Variants in GRIA4 observed in about 807,000 individuals in gnomAD.
GRIA4 encodes glutamate ionotropic receptor AMPA type subunit 4.
A neutral mutation model predicts 104.0 loss-of-function variants in GRIA4; 34 were observed. The observed-to-expected ratio is 0.33, with a 90% CI of 0.25 to 0.44. GRIA4 has a LOEUF of 0.44. Ranked by LOEUF, GRIA4 falls within the 20% of genes least tolerant of loss-of-function variation. GRIA4 has a pLI of 1.00. For missense variants in GRIA4, 750 were observed against 1,096.5 expected (o/e 0.68, Z 4.46); for synonymous variants, 386 against 381.9 (o/e 1.01, Z -0.13).
intron 3 of GRIA4, among the ~76,000 whole-genome samples, chr11:105,645,508 T>C (rs1392529257): frequency 1.3e-5 from 2 of 150,162 alleles, no homozygotes; most frequent in South Asian, 2.1e-4. Context: ...CAAAGACAAT[T>C]CATCAACACT....
At chr11:105,934,198 G>C (rs1591462362) in intron 14 of GRIA4, among the ~76,000 whole-genome samples, 1 of 151,992 alleles carries the variant, frequency 6.6e-6, no homozygotes, top group Non-Finnish European at 1.5e-5. Flanking sequence ...AAACCAAACT[G>C]GTTGAACACT....
At chr11:105,620,645 A>G (rs1367756643) in intron 3 of GRIA4, among the ~76,000 whole-genome samples, 1 of 151,902 alleles carries the variant, frequency 6.6e-6, no homozygotes, top group Non-Finnish European at 1.5e-5. Flanking sequence ...ACGCAGCACA[A>G]AAATTTCAGA....
chr11:105,974,471 C>A, intron 16 of GRIA4, 27 bp downstream of exon 16: 1 of 1,613,818 alleles, frequency 6.2e-7, no homozygotes, highest in Non-Finnish European at 8.5e-7. Context: ...AGACTTTTAA[C>A]CCAACTTCCT....
chr11:105,893,592 A>G (rs1357151450), intron 6 of GRIA4, among the ~76,000 whole-genome samples: 1 of 152,162 alleles, frequency 6.6e-6, no homozygotes, highest in East Asian at 1.9e-4. Context: ...TAAGAACAGG[A>G]TGGACTCGAA....
In GRIA4 at chr11:105,862,098, A is replaced by G. The variant is rs770863394; in HGVS notation, c.562A>G (p.Asn188Asp). 6.2e-7 allele frequency: 1 copy of G among 1,611,288 alleles called. No homozygotes were observed. Among genetic ancestry groups the G allele is most frequent in the Non-Finnish European group, 8.5e-7 (1 of 1,177,502 alleles). ...GCATGTCAGCGCTATATGTGTGGAAAATTTTAATGATGTCAGCTATAGGCA... is the reference window on the plus strand; with the variant it reads ...GCATGTCAGCGCTATATGTGTGGAAGATTTTAATGATGTCAGCTATAGGCA... ...GWHVSAICVE[N>D]FNDVSYRQLL... Residue 188 changes from asparagine to aspartate, a missense_variant, in exon 5 of 17, where the codon AAT becomes GAT. By Grantham distance (23) the Asn-to-Asp change is conservative. Transcript: ENST00000282499.
intron 3 of GRIA4, among the ~76,000 whole-genome samples, chr11:105,721,954 A>G (rs1345162890): frequency 6.6e-6 from 1 of 152,206 alleles, no homozygotes; most frequent in Non-Finnish European, 1.5e-5. Flanking sequence ...ATTGCAGTAA[A>G]TCTAACGCAA....
chr11:105,971,825 G>A (rs747156163), intron 14 of GRIA4, 89 bp from the exon 15 acceptor site: 8 of 821,600 alleles, frequency 9.7e-6, no homozygotes, highest in Non-Finnish European at 1.6e-5. Context: ...CCTCTGCTCT[G>A]TCACTTTGCC....
At chr11:105,882,254 T>C (rs1469034028) in intron 5 of GRIA4, among the ~76,000 whole-genome samples, 1 of 152,190 alleles carries the variant, frequency 6.6e-6, no homozygotes, top group African/African-American at 2.4e-5. Context: ...AATTTCCAGT[T>C]GACTTATAAG....
chr11:105,684,168 C>T (rs959010549), intron 3 of GRIA4, among the ~76,000 whole-genome samples: 4 of 152,066 alleles, frequency 2.6e-5, no homozygotes, highest in African/African-American at 7.2e-5. Flanking sequence ...GCCACTGCGC[C>T]GGGCCAAATG....
intron 3 of GRIA4, among the ~76,000 whole-genome samples, chr11:105,615,927 T>C (rs1305715264): frequency 6.6e-6 from 1 of 151,802 alleles, no homozygotes; most frequent in African/African-American, 2.4e-5. Context: ...ATTTTGATTG[T>C]TAGTTTAATT....
chr11:105,643,437 C>G (rs559826114), intron 3 of GRIA4, among the ~76,000 whole-genome samples: 1 of 152,212 alleles, frequency 6.6e-6, no homozygotes, highest in South Asian at 2.1e-4. Context: ...AATTATTTAA[C>G]CAGCTTTAAA....
At chr11:105,754,422 CTAAG>C (rs777608945) in intron 4 of GRIA4, among the ~76,000 whole-genome samples, 4 of 152,090 alleles carry the variant, frequency 2.6e-5, no homozygotes, top group Non-Finnish European at 5.9e-5. Flanking sequence ...ATACAAAACT[CTAAG>C]TGAGTAATTG....
intron 14 of GRIA4, among the ~76,000 whole-genome samples, chr11:105,946,944 CT>C (rs1386623936): frequency 2.0e-5 from 3 of 152,148 alleles, no homozygotes; most frequent in Non-Finnish European, 2.9e-5. Flanking sequence ...GTTTAGAAGC[CT>C]TGCAAATCCT....
chr11:105,934,069 ATGTT>A (rs1050748059), intron 14 of GRIA4, 100 bp downstream of exon 14: 28 of 1,001,592 alleles, frequency 2.8e-5, no homozygotes, highest in South Asian at 3.5e-5. Flanking sequence ...TGAACATGGT[ATGTT>A]TGTTTGTTTG....
intron 6 of GRIA4, among the ~76,000 whole-genome samples, chr11:105,895,252 C>CATGTGTGTGT (rs141480761): frequency 6.7e-6 from 1 of 148,756 alleles, no homozygotes; most frequent in Non-Finnish European, 1.5e-5. Flanking sequence ...CGAGCTCATG[C>CATGTGTGTGT]GTGTGTGTGT....
At chr11:105,778,784 G>A (rs1195247451) in intron 4 of GRIA4, among the ~76,000 whole-genome samples, 2 of 152,020 alleles carry the variant, frequency 1.3e-5, no homozygotes, top group Non-Finnish European at 2.9e-5. Flanking sequence ...AGATAGTGTA[G>A]ATCTTTTTTT....
intron 3 of GRIA4, among the ~76,000 whole-genome samples, chr11:105,703,694 C>T (rs1565477807): frequency 1.3e-5 from 2 of 152,044 alleles, no homozygotes; most frequent in Non-Finnish European, 2.9e-5. Context: ...CTTTTTGATA[C>T]ACTTTTACAT....
chr11:105,767,771 A>G (rs1283042477), intron 4 of GRIA4, among the ~76,000 whole-genome samples: 1 of 152,116 alleles, frequency 6.6e-6, no homozygotes, highest in Admixed American at 6.6e-5. Flanking sequence ...CCATTTTTCA[A>G]ACGAGAAAAA....
intron 7 of GRIA4, among the ~76,000 whole-genome samples, chr11:105,901,208 TAGAG>T (rs1946843985): frequency 6.6e-6 from 1 of 152,148 alleles, no homozygotes; most frequent in Admixed American, 6.5e-5. Context: ...ATAATCACAA[TAGAG>T]AGTCACTATT....
Sources: gnomAD v4.1 joint callset for allele counts (sites outside exome capture counted in the v4.1 genomes callset) on GRCh38, gnomAD v4.1.1 for gene constraint, MANE v1.5 for transcripts, NCBI Gene and HGNC (gene_info 2026-07-23, HGNC 2026-07-21) for gene names.